SLC25A26: variants seen among roughly 807,000 people sequenced by gnomAD.
SLC25A26 encodes the protein mitochondrial S-adenosylmethionine carrier protein.
A neutral mutation model predicts 37.8 loss-of-function variants in SLC25A26; 36 were observed. The observed-to-expected ratio is 0.95, with a 90% confidence interval of 0.73 to 1.26. SLC25A26 has a LOEUF of 1.26. SLC25A26 is among the 50% of genes most tolerant of loss of function. SLC25A26 has a pLI of 0.00. For synonymous variants in SLC25A26, 129 were observed against 122.5 expected (o/e 1.05, Z -0.35); for missense variants, 390 against 331.1 (o/e 1.18, Z -1.38).
chr3:66,263,800 G>A (rs1214192418), intron 5 of SLC25A26, among the ~76,000 whole-genome samples: 3 of 151,936 alleles, frequency 2.0e-5, no homozygotes, highest in Admixed American at 1.3e-4. Context: ...CTGGGACCAC[G>A]GGTGCCCACC....
In SLC25A26 at chr3:66,247,342, T is replaced by C. The variant is rs76318962; in HGVS notation, c.300+4030T>C. Among the ~76,000 whole-genome samples, 844 of 152,204 alleles carry C rather than the reference T, an allele frequency of 5.5e-3. 3 individuals carry two copies. The highest frequency in any genetic ancestry group is 0.019 in the African/African-American group (770 of 41,504). ...AAATGAATGAATGATGGGGTCTCAC[T>C]CTGTCAACCAGGCTGAAGAGCAGTG... On this transcript the variant is annotated intron_variant, in intron 3 of 9. Coordinates refer to ENST00000354883, the MANE Select transcript of SLC25A26 (RefSeq NM_001379210.1).
rs897644638 is a variant in SLC25A26, at chr3:66,203,151, C to T, written c.-353-17591C>T. ...ATCCCAACACTTTGGGAGGCCGAGG[C>T]GGGAGGATCTCTTGAGCCCAGGAGT... On this transcript the variant is annotated intron_variant, in intron 1 of 10. Transcript: ENST00000676754. Among the ~76,000 whole-genome samples, 46 of 152,116 alleles carry T rather than the reference C, an allele frequency of 3.0e-4. No homozygotes were observed. In the East Asian group the frequency reaches 7.0e-3, roughly 23 times the overall value.
chr3:66,215,746 A>G (rs1028602855), intron 1 of SLC25A26, among the ~76,000 whole-genome samples: 1 of 152,124 alleles, frequency 6.6e-6, no homozygotes, highest in Non-Finnish European at 1.5e-5. Context: ...CTTTCTTTCC[A>G]TTTTATATAT....
chr3:66,174,531 A>G (rs555971965), intron 1 of SLC25A26, among the ~76,000 whole-genome samples: 2 of 152,352 alleles, frequency 1.3e-5, no homozygotes, highest in South Asian at 4.1e-4. Context: ...CTGTAATCCC[A>G]GCACTTCGGG....
In SLC25A26 at chr3:66,361,682, A is replaced by G. The variant is rs540918918; in HGVS notation, c.499-1178A>G. ...TAGGGAAATACAAATTAAAACCACA[A>G]TGAAGGCACGGTGGCTCACACCTGT... On this transcript the variant is annotated intron_variant, in intron 6 of 9. Transcript: ENST00000354883. 4.9e-4 allele frequency among the ~76,000 whole-genome samples: 74 copies of G among 152,284 alleles called. 1 individual carries two copies. The highest frequency in any genetic ancestry group is 3.9e-3 in the South Asian group (19 of 4,830).
chr3:66,224,212 T>C (rs1553659659), intron 1 of SLC25A26, among the ~76,000 whole-genome samples: 2 of 152,190 alleles, frequency 1.3e-5, no homozygotes, highest in Non-Finnish European at 2.9e-5. Context: ...CACTAAGTAT[T>C]TTTGGTGGTA....
At chr3:66,341,149 C>A (rs907206935) in intron 5 of SLC25A26, among the ~76,000 whole-genome samples, 7 of 152,012 alleles carry the variant, frequency 4.6e-5, no homozygotes, top group African/African-American at 1.7e-4. Flanking sequence ...ACATCCTTAC[C>A]TTATTCATGA....
At chr3:66,337,417 G>T (rs1320909279) in intron 5 of SLC25A26, among the ~76,000 whole-genome samples, 4 of 151,856 alleles carry the variant, frequency 2.6e-5, no homozygotes, top group Non-Finnish European at 5.9e-5. Context: ...TTATGAGGAA[G>T]AAAAATAGAA....
chr3:66,233,031 A>G (rs375844181), intron 1 of SLC25A26, among the ~76,000 whole-genome samples: 5 of 152,276 alleles, frequency 3.3e-5, no homozygotes, highest in African/African-American at 1.2e-4. Flanking sequence ...TCCCTTGAGA[A>G]GCCATGTTAA....
chr3:66,170,490 G>A (rs571052996), intron 1 of SLC25A26, among the ~76,000 whole-genome samples: 63 of 152,290 alleles, frequency 4.1e-4, no homozygotes, highest in South Asian at 3.7e-3. Context: ...GATGAAGAGC[G>A]CATGGTACTA....
At chr3:66,312,516 G>A (rs931208937) in intron 5 of SLC25A26, among the ~76,000 whole-genome samples, 3 of 148,612 alleles carry the variant, frequency 2.0e-5, no homozygotes, top group Non-Finnish European at 4.4e-5. Flanking sequence ...GGGGTTCCAG[G>A]TGTCACTGGG....
intron 1 of SLC25A26, among the ~76,000 whole-genome samples, chr3:66,204,473 A>AAAAT (rs1300042039): frequency 5.9e-5 from 9 of 151,866 alleles, no homozygotes; most frequent in African/African-American, 2.2e-4. Flanking sequence ...AAGAAAAAAG[A>AAAAT]AAATAATGAG....
At chr3:66,360,125 C>A (rs775869225) in intron 6 of SLC25A26, among the ~76,000 whole-genome samples, 1 of 152,190 alleles carries the variant, frequency 6.6e-6, no homozygotes, top group African/African-American at 2.4e-5. Context: ...TCTATGGCAT[C>A]TTCTTCATCC....
intron 9 of SLC25A26, chr3:66,371,545 T>G: frequency 3.3e-6 from 4 of 1,201,072 alleles, no homozygotes; most frequent in Non-Finnish European, 4.3e-6. Flanking sequence ...GGGATTGACG[T>G]TGGGGGTGTG....
chr3:66,161,161 T>TA (rs367585131), intron 1 of SLC25A26, among the ~76,000 whole-genome samples: 2,439 of 140,064 alleles, frequency 0.017, 47 homozygotes, highest in East Asian at 0.088. Context: ...GTTGTTGTTG[T>TA]AAAAAAAAAA....
At chr3:66,204,045 T>C (rs1478812351) in intron 1 of SLC25A26, among the ~76,000 whole-genome samples, 3 of 152,346 alleles carry the variant, frequency 2.0e-5, no homozygotes, top group African/African-American at 7.2e-5. Flanking sequence ...CCCCTAGGCA[T>C]GAAGTTTTAT....
intron 6 of SLC25A26, among the ~76,000 whole-genome samples, chr3:66,352,415 C>T (rs2076474231): frequency 6.7e-6 from 1 of 149,022 alleles, no homozygotes; most frequent in African/African-American, 2.5e-5. Flanking sequence ...CCTAGCGCCT[C>T]CCCTCGTTTT....
upstream of SLC25A26, among the ~76,000 whole-genome samples, chr3:66,217,433 G>A (rs1291856794): frequency 4.6e-5 from 7 of 152,070 alleles, no homozygotes; most frequent in East Asian, 3.9e-4. Flanking sequence ...GGAATAAACC[G>A]AATATTTCTA....
intron 5 of SLC25A26, among the ~76,000 whole-genome samples, chr3:66,312,533 G>GAA (rs141858967): frequency 5.1e-4 from 70 of 138,008 alleles, no homozygotes; most frequent in Admixed American, 1.8e-3. Flanking sequence ...TGGGTACGAA[G>GAA]AAAAAAAAGA....
Sources: allele counts gnomAD v4.1 joint callset (sites outside exome capture counted in the v4.1 genomes callset), GRCh38; gene constraint gnomAD v4.1.1; transcripts MANE v1.5; gene names NCBI Gene and HGNC (gene_info 2026-07-23, HGNC 2026-07-21).